Variants in PDE1A observed in about 807,000 individuals in gnomAD.
PDE1A encodes dual specificity calcium/calmodulin-dependent 3',5'-cyclic nucleotide phosphodiesterase 1A.
In PDE1A, 35 loss-of-function variants were observed where a neutral mutation model predicts 61.7. The ratio of observed to expected loss-of-function variants is 0.57; its 90% CI spans 0.43 to 0.75. PDE1A has a LOEUF of 0.75. PDE1A is among the 30% of genes least tolerant of loss of function. The pLI is 0.00. For missense variants in PDE1A, 597 were observed against 630.6 expected (o/e 0.95, Z 0.57); for synonymous variants, 232 against 213.2 (o/e 1.09, Z -0.77).
intron 2 of PDE1A, among the ~76,000 whole-genome samples, chr2:182,512,385 T>A (rs1689858637): frequency 6.6e-6 from 1 of 152,050 alleles, no homozygotes; most frequent in African/African-American, 2.4e-5. Context: ...GCCAGTCAAC[T>A]CAACCCAACT....
chr2:182,149,455 CAAGAT>C (rs1263775039), intron 13 of PDE1A, among the ~76,000 whole-genome samples: 1 of 152,116 alleles, frequency 6.6e-6, no homozygotes, highest in East Asian at 1.9e-4. Context: ...ATGATAAACT[CAAGAT>C]AAGAGTTTCG....
chr2:182,489,437 A>G (rs1393920594), intron 2 of PDE1A, among the ~76,000 whole-genome samples: 2 of 152,368 alleles, frequency 1.3e-5, no homozygotes, highest in East Asian at 3.9e-4. Context: ...ACACTGCGTG[A>G]AAAAGAGCAG....
chr2:182,209,597 T>C (rs1292538047), intron 7 of PDE1A, among the ~76,000 whole-genome samples: 1 of 151,636 alleles, frequency 6.6e-6, no homozygotes, highest in South Asian at 2.1e-4. Context: ...TAGAGGGACC[T>C]GGTAGGAGGT....
the PDE1A span, among the ~76,000 whole-genome samples, chr2:182,654,371 C>T: frequency 6.6e-6 from 1 of 152,086 alleles, no homozygotes; most frequent in African/African-American, 2.4e-5. Flanking sequence ...GGGAGTAGCA[C>T]TAACCTCTGC....
intron 1 of PDE1A, among the ~76,000 whole-genome samples, chr2:182,318,891 T>C (rs1349798872): frequency 6.6e-6 from 1 of 152,206 alleles, no homozygotes; most frequent in African/African-American, 2.4e-5. Flanking sequence ...TTGATTTCAA[T>C]ATGTCTTAGT....
intron 13 of PDE1A, among the ~76,000 whole-genome samples, chr2:182,178,687 T>C (rs376766899): frequency 6.6e-6 from 1 of 152,066 alleles, no homozygotes; most frequent in Non-Finnish European, 1.5e-5. Flanking sequence ...CTGTGTAGAA[T>C]GTCAGGACAG....
At chr2:182,328,391 A>T (rs111715511) in intron 1 of PDE1A, among the ~76,000 whole-genome samples, 1,765 of 152,310 alleles carry the variant, frequency 0.012, 26 homozygotes, top group South Asian at 0.069. Context: ...ACATAGAAAG[A>T]AATGGAACGA....
the PDE1A span, among the ~76,000 whole-genome samples, chr2:182,546,347 A>G: frequency 4.3e-3 from 659 of 151,758 alleles, 3 homozygotes; most frequent in Non-Finnish European, 7.6e-3. Context: ...ATTCCAAGAG[A>G]CCACTCACTG....
chr2:182,255,659 C>CT (rs1303654382), intron 2 of PDE1A, among the ~76,000 whole-genome samples: 20,762 of 133,500 alleles, frequency 0.16, 1,965 homozygotes, highest in East Asian at 0.29. Context: ...TCTTTCTTTT[C>CT]TTTTTTTTTT....
intron 2 of PDE1A, among the ~76,000 whole-genome samples, chr2:182,502,321 T>C (rs1236273256): frequency 6.6e-6 from 1 of 151,868 alleles, no homozygotes; most frequent in African/African-American, 2.4e-5. Flanking sequence ...TTCGTGTGTG[T>C]GTGTGTGTGT....
At chr2:182,190,308 A>G (rs952137551) in intron 10 of PDE1A, among the ~76,000 whole-genome samples, 3 of 152,194 alleles carry the variant, frequency 2.0e-5, no homozygotes, top group Non-Finnish European at 4.4e-5. Flanking sequence ...TCTGCCAGTA[A>G]CTCCCCTAAT....
chr2:182,527,327 A>ATAT (rs1559543429), upstream of PDE1A, among the ~76,000 whole-genome samples: 1 of 20,716 alleles, frequency 4.8e-5, no homozygotes, highest in Non-Finnish European at 7.9e-5. Flanking sequence ...AAAAAAAAAA[A>ATAT]ATATATATAT....
At chr2:182,618,916 TATAGACAGCATTA>T in the PDE1A span, among the ~76,000 whole-genome samples, 1 of 151,984 alleles carries the variant, frequency 6.6e-6, no homozygotes, top group African/African-American at 2.4e-5. Flanking sequence ...ATGTTAGGAT[TATAGACAGCATTA>T]AAGCTGGCCA....
intron 1 of PDE1A, among the ~76,000 whole-genome samples, chr2:182,304,159 G>C (rs1240383772): frequency 6.6e-6 from 1 of 152,050 alleles, no homozygotes; most frequent in African/African-American, 2.4e-5. Context: ...CTGGATTATA[G>C]GCGTGAGCCA....
At chr2:182,586,087 T>G in the PDE1A span, among the ~76,000 whole-genome samples, 1 of 152,200 alleles carries the variant, frequency 6.6e-6, no homozygotes, top group Non-Finnish European at 1.5e-5. Flanking sequence ...AGAAGCACTT[T>G]CGGTTCTATC....
intron 11 of PDE1A, 65 bp downstream of exon 11, chr2:182,188,914 G>A (rs892447870): frequency 2.3e-5 from 24 of 1,033,342 alleles, no homozygotes; most frequent in Non-Finnish European, 3.2e-5. Flanking sequence ...GAACAACATC[G>A]TTTACCCATT....
chr2:182,386,055 G>T (rs532397668), intron 1 of PDE1A, among the ~76,000 whole-genome samples: 128 of 152,324 alleles, frequency 8.4e-4, no homozygotes, highest in African/African-American at 3.0e-3. Context: ...GGGTTTCGCT[G>T]TGTTGGCCGG....
chr2:182,253,955 A>T (rs1191712919), intron 2 of PDE1A, among the ~76,000 whole-genome samples: 1 of 152,170 alleles, frequency 6.6e-6, no homozygotes, highest in East Asian at 1.9e-4. Context: ...AAATTGAATA[A>T]TATGTTGCCT....
the PDE1A span, among the ~76,000 whole-genome samples, chr2:182,639,490 C>T: frequency 6.6e-6 from 1 of 152,150 alleles, no homozygotes; most frequent in Non-Finnish European, 1.5e-5. Context: ...ATCACTTGAA[C>T]CCAAGAGGCA....
Sources: allele counts gnomAD v4.1 joint callset (sites outside exome capture counted in the v4.1 genomes callset), GRCh38; gene constraint gnomAD v4.1.1; transcripts MANE v1.5; gene names NCBI Gene and HGNC (gene_info 2026-07-23, HGNC 2026-07-21).